PPFIBP1: variants seen among roughly 807,000 people sequenced by gnomAD.
PPFIBP1 encodes liprin-beta-1.
PPFIBP1 carries 112 observed loss-of-function variants against 137.8 expected under a neutral mutation model. That is an observed-to-expected ratio of 0.81 (90% CI 0.70 to 0.95). PPFIBP1 has a LOEUF of 0.95. PPFIBP1 is among the 40% of genes least tolerant of loss of function. The pLI, the probability that PPFIBP1 is intolerant of heterozygous loss-of-function variation, is 0.00. For missense variants in PPFIBP1, 1,083 were observed against 1,196.6 expected (o/e 0.91, Z 1.40); for synonymous variants, 378 against 417.3 (o/e 0.91, Z 1.15).
chr12:27,681,733 T>G (rs1296625742), intron 22 of PPFIBP1, 37 bp downstream of exon 22: 3 of 1,608,310 alleles, frequency 1.9e-6, no homozygotes, highest in Non-Finnish European at 1.7e-6. Flanking sequence ...CAATGGATAC[T>G]GAGAAGAAAA....
At chr12:27,671,630 A>G in intron 14 of PPFIBP1, 84 bp downstream of exon 14, 1 of 861,310 alleles carries the variant, frequency 1.2e-6, no homozygotes, top group Non-Finnish European at 1.8e-6. Flanking sequence ...TTATTTACAG[A>G]CACAATTTTT....
chr12:27,626,679 G>A lies in PPFIBP1; in HGVS notation c.-35-6683G>A, dbSNP rs1266397921. ...CCTCCTGGGTTCAAGCAATTCTCCT[G>A]CCTCAGCATCTCCAGTAGCTGGGAC... On this transcript the variant is annotated intron_variant, in intron 2 of 29. Transcript: ENST00000228425. Among the ~76,000 whole-genome samples, 4 of 151,980 alleles carry A rather than the reference G, an allele frequency of 2.6e-5. No homozygotes were observed. The South Asian group carries it at 6.2e-4, about 24-fold the overall frequency.
rs778804391 is a variant in PPFIBP1 at position 27,658,817 on chromosome 12, TG to T, written c.814del (p.Glu272LysfsTer17). ...AATCCAATGGGTTTTCCTGCACAGA[TG>T]AAAATTTTAAAAAGAAGCTCAAAGA... The part of the protein sequence containing the change: ...GEGVEIVDRD[E>X]NFKKKLKEKN... On this transcript the variant is annotated frameshift_variant and splice_region_variant, in exon 10 of 30. Coordinates refer to ENST00000228425, the MANE Select transcript of PPFIBP1 (RefSeq NM_003622.4). LOFTEE classifies it high-confidence loss of function. The T allele has an allele frequency of 2.5e-6, 4 of 1,612,634 alleles. No homozygotes were observed. The highest frequency in any genetic ancestry group is 2.5e-6 in the Non-Finnish European group (3 of 1,178,996).
chr12:27,618,249 A>G (rs1022072029), intron 2 of PPFIBP1, among the ~76,000 whole-genome samples: 9 of 152,198 alleles, frequency 5.9e-5, no homozygotes, highest in South Asian at 2.1e-4. Flanking sequence ...TAAAATTCCA[A>G]CCACCTGAAT....
chr12:27,528,845 G>A (rs901783477), intron 1 of PPFIBP1, among the ~76,000 whole-genome samples: 1 of 152,204 alleles, frequency 6.6e-6, no homozygotes, highest in African/African-American at 2.4e-5. Flanking sequence ...ACTGGAGAGT[G>A]TCTATTTCTG....
At chr12:27,609,381 G>A (rs2054853204) in intron 2 of PPFIBP1, among the ~76,000 whole-genome samples, 2 of 152,064 alleles carry the variant, frequency 1.3e-5, no homozygotes. Flanking sequence ...CATCCTGGAC[G>A]TCATTCCTTC....
Position 27,682,700 on chromosome 12 carries a change from T to G in PPFIBP1, c.2244T>G (p.Thr748=), listed in dbSNP as rs1157967915. Residue 748 remains threonine, a synonymous_variant, in exon 24 of 30, where the codon ACT becomes ACG. Coordinates refer to ENST00000228425, the MANE Select transcript of PPFIBP1 (RefSeq NM_003622.4). ...ATGGTCGAATGCTACATTACATGAC[T>G]GTTGTAAGTGACTCACTCCTGGGGT... The part of the protein sequence containing the change: ...RVDGRMLHYM[T]VDDLLSLKVV... 1.9e-6 allele frequency: 3 copies of G among 1,614,010 alleles called. No individual in the cohort carries two copies. The highest frequency in any genetic ancestry group is 1.3e-5 in the African/African-American group (1 of 74,934).
intron 2 of PPFIBP1, among the ~76,000 whole-genome samples, chr12:27,590,617 G>A (rs2052386417): frequency 6.6e-6 from 1 of 152,168 alleles, no homozygotes; most frequent in African/African-American, 2.4e-5. Context: ...GGGACTAGGG[G>A]ACAGCTAAAG....
chr12:27,549,791 G>T (rs966747599), intron 1 of PPFIBP1, among the ~76,000 whole-genome samples: 2 of 152,148 alleles, frequency 1.3e-5, no homozygotes, highest in Non-Finnish European at 2.9e-5. Context: ...ACACACAACT[G>T]CCCCGCCCTC....
At chr12:27,605,330 G>T (rs1308606967) in intron 2 of PPFIBP1, among the ~76,000 whole-genome samples, 1 of 152,152 alleles carries the variant, frequency 6.6e-6, no homozygotes, top group African/African-American at 2.4e-5. Context: ...AAACTTTAGA[G>T]GTAGAAATTA....
At chr12:27,593,925 TTGTGTCCTCACAGGG>T in intron 2 of PPFIBP1, 1 of 1,495,630 alleles carries the variant, frequency 6.7e-7, no homozygotes, top group Non-Finnish European at 8.9e-7. Flanking sequence ...TCCCAGGAGG[TTGTGTCCTCACAGGG>T]GGTGTCCTCA....
intron 1 of PPFIBP1, chr12:27,549,364 C>T (rs1027543497): frequency 2.0e-5 from 3 of 152,140 alleles, no homozygotes; most frequent in South Asian, 2.1e-4. Context: ...CATGCCTGTA[C>T]GTGTGCCTTT....
Position 27,608,829 on chromosome 12 carries a change from T to G in PPFIBP1, c.-35-24533T>G, listed in dbSNP as rs955257145. 8.7e-5 allele frequency: 16 copies of G among 184,016 alleles called. No individual in the cohort carries two copies. The South Asian group carries it at 1.4e-3, about 16-fold the overall frequency. The allele number at this position is 184,016 out of a possible 1,614,324, so 11.4% of individuals were successfully genotyped here. Reference sequence around the variant, plus strand: ...TTTCTGCAGATAAATCTTTAGTTTCTTGATCAGCCACTTCAGCCTGTTTTT... The same window carrying G: ...TTTCTGCAGATAAATCTTTAGTTTCGTGATCAGCCACTTCAGCCTGTTTTT... On this transcript the variant is annotated intron_variant, in intron 2 of 29. Transcript: ENST00000228425.
intron 10 of PPFIBP1, among the ~76,000 whole-genome samples, chr12:27,660,002 AT>A (rs59990246): frequency 0.1 from 15,322 of 149,262 alleles, 1,146 homozygotes; most frequent in African/African-American, 0.21. Flanking sequence ...ACTTTAGCTG[AT>A]TTTTTTTTTC....
At chr12:27,532,406 G>A (rs1335374964) in intron 1 of PPFIBP1, among the ~76,000 whole-genome samples, 1 of 150,934 alleles carries the variant, frequency 6.6e-6, no homozygotes, top group African/African-American at 2.4e-5. Context: ...GTCAGTGCAT[G>A]AAAAACTGCC....
intron 2 of PPFIBP1, among the ~76,000 whole-genome samples, chr12:27,586,114 C>T (rs901639998): frequency 3.9e-5 from 6 of 152,144 alleles, no homozygotes; most frequent in African/African-American, 1.2e-4. Context: ...TACCACAGCC[C>T]TTTGAGGCTA....
chr12:27,623,040 A>G (rs1459255131), intron 2 of PPFIBP1, among the ~76,000 whole-genome samples: 1 of 152,180 alleles, frequency 6.6e-6, no homozygotes, highest in Admixed American at 6.5e-5. Context: ...CTGTCTTCCT[A>G]TGGGTATACA....
chr12:27,638,984 C>G (rs903607076), intron 4 of PPFIBP1, among the ~76,000 whole-genome samples: 1 of 152,046 alleles, frequency 6.6e-6, no homozygotes, highest in African/African-American at 2.4e-5. Flanking sequence ...ATCATTTTAC[C>G]TGGGCCAGGG....
chr12:27,649,073 T>C (rs941105907), intron 6 of PPFIBP1, among the ~76,000 whole-genome samples: 6 of 152,188 alleles, frequency 3.9e-5, no homozygotes, highest in African/African-American at 1.2e-4. Context: ...TTATTACACA[T>C]TGCATGCCTG....
Sources: gnomAD v4.1 joint callset for allele counts (sites outside exome capture counted in the v4.1 genomes callset) on GRCh38, gnomAD v4.1.1 for gene constraint, MANE v1.5 for transcripts, NCBI Gene and HGNC (gene_info 2026-07-23, HGNC 2026-07-21) for gene names.